The following TTC39B variants were observed in gnomAD, a reference collection of about 807,000 sequenced individuals.
TTC39B encodes tetratricopeptide repeat protein 39B.
A neutral mutation model predicts 96.6 loss-of-function variants in TTC39B; 92 were observed. The ratio of observed to expected loss-of-function variants is 0.95; its 90% CI spans 0.80 to 1.13. The LOEUF is 1.13. TTC39B is among the 50% of genes most tolerant of loss of function. The probability of loss-of-function intolerance (pLI) is 0.00; values close to 1 mark genes in which losing one functional copy is unlikely to be tolerated. For missense variants in TTC39B, 955 were observed against 809.3 expected (o/e 1.18, Z -2.18); for synonymous variants, 367 against 299.4 (o/e 1.23, Z -2.33).
intron 8 of TTC39B, among the ~76,000 whole-genome samples, chr9:15,195,670 C>CAAAAAA (rs35318510): frequency 1.5e-5 from 1 of 66,316 alleles, no homozygotes; most frequent in Non-Finnish European, 2.8e-5. Flanking sequence ...ACTCCATCTC[C>CAAAAAA]AAAAAAAAAA....
intron 3 of TTC39B, among the ~76,000 whole-genome samples, chr9:15,216,489 A>G (rs1820524636): frequency 6.6e-6 from 1 of 152,178 alleles, no homozygotes; most frequent in African/African-American, 2.4e-5. Flanking sequence ...ATCATGTAAG[A>G]ATGCTAGGAG....
At chr9:15,222,365 T>C (rs1247680455) in intron 3 of TTC39B, among the ~76,000 whole-genome samples, 1 of 152,204 alleles carries the variant, frequency 6.6e-6, no homozygotes, top group African/African-American at 2.4e-5. Flanking sequence ...ATTCACACAG[T>C]GTGAACCACA....
Position 15,202,459 on chromosome 9 carries a change from C to G in TTC39B, c.759+1364G>C, listed in dbSNP as rs983222063. Among the ~76,000 whole-genome samples, 4 of 152,138 alleles carry G rather than the reference C, an allele frequency of 2.6e-5. No individual in the cohort carries two copies. The East Asian group carries it at 7.7e-4, about 29-fold the overall frequency. ...GGGCGCAGTGGCTCACGTCTATAAT[C>G]CCAGCACTTTGGGAGGCCGAGGTGG... On this transcript the variant is annotated intron_variant, in intron 7 of 19. Coordinates refer to ENST00000512701, the Ensembl canonical transcript of TTC39B.
At chr9:15,281,834 G>A (rs1823776589) in intron 1 of TTC39B, among the ~76,000 whole-genome samples, 1 of 152,002 alleles carries the variant, frequency 6.6e-6, no homozygotes, top group Non-Finnish European at 1.5e-5. Context: ...ATGCCATGTA[G>A]TCCGGCTAAT....
intron 2 of TTC39B, chr9:15,249,811 G>T: frequency 2.2e-6 from 2 of 899,156 alleles, no homozygotes; most frequent in African/African-American, 1.8e-5. Context: ...AATTTAACTG[G>T]AGTTTAAAAA....
chr9:15,195,369 T>A (rs10961912), intron 8 of TTC39B, among the ~76,000 whole-genome samples: 36,294 of 151,830 alleles, frequency 0.24, 4,423 homozygotes, highest in African/African-American at 0.26. Flanking sequence ...AAAGACACCA[T>A]CTCTATAACA....
intron 3 of TTC39B, among the ~76,000 whole-genome samples, chr9:15,221,228 G>A (rs78768464): frequency 0.017 from 2,531 of 152,248 alleles, 39 homozygotes; most frequent in Middle Eastern, 0.034. Flanking sequence ...TTGTCAAACA[G>A]CAATTTTCCG....
At chr9:15,197,114 C>T (rs770409626) in intron 8 of TTC39B, among the ~76,000 whole-genome samples, 3 of 152,148 alleles carry the variant, frequency 2.0e-5, no homozygotes, top group African/African-American at 4.8e-5. Context: ...ACAGTATCAA[C>T]GTAACTTTTA....
At chr9:15,198,896 T>C (rs1007372602) in intron 8 of TTC39B, among the ~76,000 whole-genome samples, 2 of 152,210 alleles carry the variant, frequency 1.3e-5, no homozygotes, top group African/African-American at 4.8e-5. Flanking sequence ...AGTGCCTATA[T>C]GAATATTAGA....
chr9:15,293,312 A>C (rs747554199), intron 1 of TTC39B, among the ~76,000 whole-genome samples: 6 of 152,192 alleles, frequency 3.9e-5, no homozygotes, highest in Non-Finnish European at 8.8e-5. Flanking sequence ...ATTGCCTCAT[A>C]ACACATTTCT....
At chr9:15,270,404 T>C (rs116006552) in intron 1 of TTC39B, among the ~76,000 whole-genome samples, 2,149 of 151,512 alleles carry the variant, frequency 0.014, 46 homozygotes, top group African/African-American at 0.05. Flanking sequence ...AGACTCCCTC[T>C]GCACTTACCA....
intron 7 of TTC39B, among the ~76,000 whole-genome samples, chr9:15,201,721 A>T (rs561662247): frequency 1.2e-4 from 19 of 152,254 alleles, no homozygotes; most frequent in African/African-American, 4.3e-4. Flanking sequence ...CAAGTATGCA[A>T]ACCCGTCAGT....
chr9:15,207,732 T>C (rs1185252071), intron 6 of TTC39B, among the ~76,000 whole-genome samples: 1 of 151,944 alleles, frequency 6.6e-6, no homozygotes, highest in Non-Finnish European at 1.5e-5. Context: ...ACACCTGTAA[T>C]CCCAGTACTT....
intron 2 of TTC39B, among the ~76,000 whole-genome samples, chr9:15,228,212 C>A (rs1273140997): frequency 6.6e-6 from 1 of 152,012 alleles, no homozygotes; most frequent in Non-Finnish European, 1.5e-5. Context: ...GCCTGTAATC[C>A]CAGCACTTTG....
chr9:15,185,358 A>G (rs1818463290), exon 16 of TTC39B: 1 of 1,613,930 alleles, frequency 6.2e-7, no homozygotes, highest in Non-Finnish European at 8.5e-7. Flanking sequence ...CAAACTTCTC[A>G]GTAGGGATAG....
chr9:15,166,422 C>G (rs1254439675), exon 20 of TTC39B: 1 of 152,236 alleles, frequency 6.6e-6, no homozygotes, highest in Non-Finnish European at 1.5e-5. Context: ...AGGCCAAGAA[C>G]CTGCTCAGCC....
intron 3 of TTC39B, among the ~76,000 whole-genome samples, chr9:15,219,476 T>C (rs941470439): frequency 5.3e-5 from 8 of 152,212 alleles, no homozygotes. Flanking sequence ...AGGGATTTTA[T>C]TGTGTTACAA....
intron 1 of TTC39B, among the ~76,000 whole-genome samples, chr9:15,297,801 A>G (rs1824434843): frequency 6.6e-6 from 1 of 151,964 alleles, no homozygotes. Context: ...CCTCACTGAA[A>G]CCCGCAGATG....
At chr9:15,289,674 AT>A (rs996338210) in intron 1 of TTC39B, among the ~76,000 whole-genome samples, 12 of 151,960 alleles carry the variant, frequency 7.9e-5, no homozygotes, top group Admixed American at 3.3e-4. Context: ...AAAGAGGCTG[AT>A]TTTTTTTTAT....
Sources: allele counts gnomAD v4.1 joint callset (sites outside exome capture counted in the v4.1 genomes callset), GRCh38; gene constraint gnomAD v4.1.1; transcripts MANE v1.5; gene names NCBI Gene and HGNC (gene_info 2026-07-23, HGNC 2026-07-21).